The following HMCN2 variants were observed in gnomAD, a reference collection of about 807,000 sequenced individuals.
The protein encoded by HMCN2 is hemicentin 2, also known as hemicentin-2.
In HMCN2, 325 loss-of-function variants were observed where a neutral mutation model predicts 377.5. The ratio of observed to expected loss-of-function variants is 0.86; its 90% confidence interval spans 0.79 to 0.94. The LOEUF is 0.94. Among genes scored for constraint, HMCN2 ranks in the 40% least tolerant of loss-of-function variants. HMCN2 has a pLI of 0.00. For missense variants in HMCN2, 4,543 were observed against 4,725.3 expected (o/e 0.96, Z 1.13); for synonymous variants, 2,007 against 2,046.8 (o/e 0.98, Z 0.53).
At chr9:130,346,463 C>T (rs994664694) in intron 25 of HMCN2, among the ~76,000 whole-genome samples, 9 of 143,004 alleles carry the variant, frequency 6.3e-5, no homozygotes, top group South Asian at 2.3e-4. Context: ...GTGGCACTCA[C>T]GGTGGGGCTG....
intron 7 of HMCN2, 67 bp from the exon 8 acceptor site, chr9:130,298,958 C>T: frequency 2.4e-6 from 1 of 413,598 alleles, no homozygotes; most frequent in South Asian, 1.8e-5. Context: ...TCGAGGGCCC[C>T]TACTTGAGGG....
Position 130,425,073 on chromosome 9 carries a change from C to T in HMCN2, c.13584C>T (p.Asp4528=), listed in dbSNP as rs545955277. ...GLDPDGLLLL[D]VVVNGVVPES... ...ATCCCGATGGCCTCCTGCTCCTCGACGTGGTGGTCAATGGCGTTGTCCCCG... is the reference window on the plus strand; with the variant it reads ...ATCCCGATGGCCTCCTGCTCCTCGATGTGGTGGTCAATGGCGTTGTCCCCG... The change falls in exon 89 of 98, where the codon GAC becomes GAT. Residue 4528 remains aspartate, a synonymous_variant. Transcript: ENST00000683500. 1.1e-5 allele frequency: 17 copies of T among 1,550,112 alleles called. No individual in the cohort carries two copies. The highest frequency in any genetic ancestry group is 4.8e-5 in the South Asian group (4 of 84,030).
chr9:130,389,208 C>CCT (rs1435380536), intron 62 of HMCN2, among the ~76,000 whole-genome samples: 1 of 152,108 alleles, frequency 6.6e-6, no homozygotes, highest in African/African-American at 2.4e-5. Context: ...CGAACCTGCC[C>CCT]CTCTCTCTCA....
At position 130,433,834 on chromosome 9, in the gene HMCN2, G is replaced by T. The variant is rs1261201265; in HGVS notation, c.*141G>T. On this transcript the variant is annotated 3_prime_UTR_variant, in exon 98 of 98. Coordinates refer to ENST00000683500, the MANE Select transcript of HMCN2 (RefSeq NM_001291815.2). ...CGTCAGCGAGACCTTGGGTCAACAC[G>T]ACCCTGCGCACAGCCTTGACCCCCG... 2 of 698,564 alleles carry T rather than the reference G, an allele frequency of 2.9e-6. No homozygotes were observed. The highest frequency in any genetic ancestry group is 3.4e-5 in the East Asian group (1 of 29,188). The allele number at this position is 698,564 out of a possible 1,614,324, so 43.3% of individuals were successfully genotyped here. A position where few individuals can be genotyped will look rare whatever the true frequency, so the allele number is the denominator to read the frequency against.
At chr9:130,336,064 C>G (rs1202353973) in intron 22 of HMCN2, among the ~76,000 whole-genome samples, 1 of 151,952 alleles carries the variant, frequency 6.6e-6, no homozygotes, top group Non-Finnish European at 1.5e-5. Context: ...CCCAGGAGAC[C>G]TGCTCCGGTG....
rs868030363 is a variant in HMCN2, at chr9:130,352,951, A to G, written c.4610A>G (p.Asn1537Ser). ...VHAPPTIWGS[N>S]ETGEVAVMED... Reference sequence around the variant, plus strand: ...GCGCCCCCCACTATCTGGGGCTCCAACGAGACAGGCGAGGTGGCCGTCATG... The same window carrying G: ...GCGCCCCCCACTATCTGGGGCTCCAGCGAGACAGGCGAGGTGGCCGTCATG... Residue 1537 changes from asparagine (N) to serine (S), a missense_variant, in exon 31 of 98, where the codon AAC becomes AGC. Coordinates refer to ENST00000683500, the MANE Select transcript of HMCN2 (RefSeq NM_001291815.2). The G allele has an allele frequency of 2.3e-6, 3 of 1,295,828 alleles. No individual in the cohort carries two copies. The highest frequency in any genetic ancestry group is 3.0e-6 in the Non-Finnish European group (3 of 984,136). 80.3% of individuals were successfully genotyped at this position (1,295,828 alleles called of 1,614,324 possible). A position where few individuals can be genotyped will look rare whatever the true frequency, so the allele number is the denominator to read the frequency against.
Position 130,376,572 on chromosome 9 carries a change from A to T in HMCN2, c.7975A>T (p.Lys2659Ter). 1.0e-6 allele frequency: 1 copy of T among 985,844 alleles called. No individual in the cohort carries two copies. Among genetic ancestry groups the T allele is most frequent in the Non-Finnish European group, 1.2e-6 (1 of 829,950 alleles). 61.1% of individuals were successfully genotyped at this position (985,844 alleles called of 1,614,324 possible). A position where few individuals can be genotyped will look rare whatever the true frequency, so the allele number is the denominator to read the frequency against. The change falls in exon 52 of 98, where the codon AAG (lysine) becomes TAG (stop). Residue 2659 changes from lysine (K) to a stop codon, truncating the protein, a stop_gained. Transcript: ENST00000683500. LOFTEE classifies it high-confidence loss of function. ...PLAEVGVKEVKTKVNSTLTLE... is the reference protein window; with the variant it reads ...PLAEVGVKEV ...GGCGGAGGTCGGCGTGAAGGAGGTG[A>T]AGACCAAGGTCAACAGCACCTTGAC...
chr9:130,296,678 A>G lies in HMCN2; in HGVS notation c.896A>G (p.Tyr299Cys). 1 of 471,124 alleles carries G rather than the reference A, an allele frequency of 2.1e-6. No individual in the cohort carries two copies. The highest frequency in any genetic ancestry group is 1.5e-5 in the South Asian group (1 of 64,572). 29.2% of individuals were successfully genotyped at this position (471,124 alleles called of 1,614,324 possible). The change falls in exon 7 of 98, where the codon TAT (tyrosine) becomes TGT (cysteine). Residue 299 changes from tyrosine to cysteine, a missense_variant. Transcript: ENST00000683500. ...EHPGLWSIKV[Y>C]SSGRHSVRIT... ...TGAGACCTGGGCCTGCGCTAGGTCT[A>G]TAGCAGTGGCCGCCATTCAGTGAGG...
chr9:130,418,655 G>T (rs924077389), intron 85 of HMCN2, 117 bp from the exon 86 acceptor site: 2 of 878,594 alleles, frequency 2.3e-6, no homozygotes, highest in Non-Finnish European at 3.2e-6. Flanking sequence ...ATCCTATGCA[G>T]TTCTTATTTT....
intron 75 of HMCN2, 45 bp downstream of exon 75, chr9:130,398,752 G>C (rs527300377): frequency 3.5e-5 from 44 of 1,271,862 alleles, no homozygotes; most frequent in Non-Finnish European, 4.1e-5. Flanking sequence ...CGCACAGGGC[G>C]GGGAGGCACT....
intron 85 of HMCN2, among the ~76,000 whole-genome samples, chr9:130,412,000 C>T (rs776172709): frequency 6.6e-6 from 1 of 152,206 alleles, no homozygotes; most frequent in Non-Finnish European, 1.5e-5. Context: ...GAGACAGGGT[C>T]TGGCTCTGTT....
chr9:130,392,778 C>T (rs1209686897), intron 66 of HMCN2, among the ~76,000 whole-genome samples: 2 of 152,098 alleles, frequency 1.3e-5, no homozygotes, highest in African/African-American at 2.4e-5. Context: ...GGGCAGATTA[C>T]AAGGTCAGGA....
intron 22 of HMCN2, among the ~76,000 whole-genome samples, chr9:130,330,529 A>G (rs1838372362): frequency 1.3e-5 from 2 of 152,106 alleles, no homozygotes; most frequent in African/African-American, 4.8e-5. Flanking sequence ...AGACACGCAG[A>G]CACACATAGA....
intron 1 of HMCN2, among the ~76,000 whole-genome samples, chr9:130,276,362 C>T (rs1404713121): frequency 1.6e-5 from 2 of 125,252 alleles, no homozygotes; most frequent in East Asian, 2.8e-4. Context: ...GAGGGAGTGA[C>T]GTTGAAGCTG....
chr9:130,349,110 G>C lies in HMCN2; in HGVS notation c.4282G>C (p.Asp1428His), dbSNP rs188063615. The C allele has an allele frequency of 2.1e-3, 2,715 of 1,304,132 alleles. 2 individuals carry two copies. Among genetic ancestry groups the C allele is most frequent in the Middle Eastern group, 4.0e-3 (19 of 4,696 alleles). 80.8% of individuals were successfully genotyped at this position (1,304,132 alleles called of 1,614,324 possible). Residue 1428 changes from aspartate to histidine, a missense_variant, in exon 28 of 98, where the codon GAC (aspartate) becomes CAC (histidine). Asp to His is a moderately conservative substitution (Grantham distance 81). Around this residue, in one of 5 missense-constraint regions of HMCN2, gnomAD observed 1,032 missense variants for 1,285.1 expected, o/e 0.80. Coordinates refer to ENST00000683500, the MANE Select transcript of HMCN2 (RefSeq NM_001291815.2). The part of the protein sequence containing the change: ...AENQAGTAQR[D>H]FHLLVLTPPS... ...GAACCAGGCTGGCACCGCCCAGAGGGACTTCCATCTCCTTGTGCTCAGTGA... is the reference window on the plus strand; with the variant it reads ...GAACCAGGCTGGCACCGCCCAGAGGCACTTCCATCTCCTTGTGCTCAGTGA...
At chr9:130,425,256 A>C in intron 89 of HMCN2, 126 bp downstream of exon 89, 1 of 1,132,460 alleles carries the variant, frequency 8.8e-7, no homozygotes, top group Non-Finnish European at 1.2e-6. Context: ...GCTGGGTCAC[A>C]GTCTAGCCTT....
chr9:130,295,611 T>C, intron 5 of HMCN2, 55 bp from the exon 6 acceptor site: 3 of 446,334 alleles, frequency 6.7e-6, no homozygotes, highest in South Asian at 3.3e-5. Context: ...CATGCGGGGC[T>C]CCTGCCACCC....
At chr9:130,426,249 C>T (rs1844356273) in intron 90 of HMCN2, among the ~76,000 whole-genome samples, 1 of 152,228 alleles carries the variant, frequency 6.6e-6, no homozygotes, top group African/African-American at 2.4e-5. Context: ...CTCCCGAGGG[C>T]ACCTGCACTG....
At chr9:130,389,172 C>G (rs752660334) in intron 62 of HMCN2, among the ~76,000 whole-genome samples, 2 of 152,196 alleles carry the variant, frequency 1.3e-5, no homozygotes, top group Non-Finnish European at 2.9e-5. Flanking sequence ...CCCCTCCATG[C>G]GCTAAACGTG....
Sources: gnomAD v4.1 joint callset for allele counts (sites outside exome capture counted in the v4.1 genomes callset) on GRCh38, gnomAD v4.1.1 for gene constraint, gnomAD v4.1.1 regional missense constraint, MANE v1.5 for transcripts, NCBI Gene and HGNC (gene_info 2026-07-23, HGNC 2026-07-21) for gene names.